Variants in DOCK9 observed in about 807,000 individuals in gnomAD.
DOCK9 encodes dedicator of cytokinesis 9.
A neutral mutation model predicts 263.3 loss-of-function variants in DOCK9; 89 were observed. The ratio of observed to expected loss-of-function variants is 0.34; its 90% CI spans 0.28 to 0.40. The LOEUF (loss-of-function observed/expected upper bound fraction) is 0.40, where lower values mean the gene tolerates loss of function less well. DOCK9 is among the 10% of genes least tolerant of loss of function. The pLI is 1.00. For missense variants in DOCK9, 2,140 were observed against 2,603.4 expected (o/e 0.82, Z 3.87); for synonymous variants, 976 against 973.1 (o/e 1.00, Z -0.06).
intron 38 of DOCK9, among the ~76,000 whole-genome samples, chr13:98,842,896 C>T (rs963921403): frequency 2.6e-5 from 4 of 152,180 alleles, no homozygotes; most frequent in East Asian, 1.9e-4. Context: ...TTGGCCATCA[C>T]GGGATTTGGG....
intron 5 of DOCK9, among the ~76,000 whole-genome samples, chr13:98,922,458 G>T (rs1432536266): frequency 6.6e-6 from 1 of 152,168 alleles, no homozygotes; most frequent in African/African-American, 2.4e-5. Context: ...GACCACTCAC[G>T]TTGGAAGGTC....
chr13:98,949,147 A>G (rs975144570), intron 2 of DOCK9, among the ~76,000 whole-genome samples: 8 of 152,148 alleles, frequency 5.3e-5, no homozygotes, highest in African/African-American at 1.9e-4. Flanking sequence ...ATCATGGCTC[A>G]CTGCAGCCTC....
At chr13:99,087,198 G>C (rs2042368557), upstream of DOCK9, among the ~76,000 whole-genome samples, 2 of 152,174 alleles carry the variant, frequency 1.3e-5, no homozygotes, top group South Asian at 4.1e-4. Context: ...GCGCGCTCGT[G>C]TGGCGCCTCG....
intron 50 of DOCK9, 131 bp from the exon 51 acceptor site, chr13:98,797,620 T>A: frequency 1.3e-6 from 1 of 742,146 alleles, no homozygotes; most frequent in East Asian, 2.7e-5. Flanking sequence ...TCCAGGAACT[T>A]AAGCCCAAAA....
Position 98,846,047 on chromosome 13 carries a change from AC to A in DOCK9, c.4074del (p.Leu1359TrpfsTer4). The stretch of plus-strand genomic sequence containing the variant: ...TTTCGATCATGAACTATGGGTCCCA[AC>A]CCCTCCTGGTTCCTGCAACATGAGT... ...GKRYIARNQE[G>X]LGPIVHDRKS... On this transcript the variant is annotated frameshift_variant, in exon 38 of 53. Transcript: ENST00000682017. LOFTEE classifies it high-confidence loss of function. 6.3e-7 allele frequency: 1 copy of A among 1,579,650 alleles called. No homozygotes were observed. The highest frequency in any genetic ancestry group is 8.6e-7 in the Non-Finnish European group (1 of 1,161,640).
chr13:98,914,601 T>C (rs2050590355), intron 8 of DOCK9, among the ~76,000 whole-genome samples: 1 of 152,080 alleles, frequency 6.6e-6, no homozygotes, highest in African/African-American at 2.4e-5. Flanking sequence ...GAGCAGCTGG[T>C]ATAGCATGGA....
At position 98,941,463 on chromosome 13, in the gene DOCK9, C is replaced by T. The variant is rs186693597; in HGVS notation, c.244-11206G>A. Among the ~76,000 whole-genome samples the T allele has an allele frequency of 2.6e-4, 39 of 152,290 alleles. 1 individual carries two copies. The highest frequency in any genetic ancestry group is 2.6e-3 in the Admixed American group (39 of 15,292). The stretch of plus-strand genomic sequence containing the variant: ...ATTTCATTCTGCCACCTTCTCAAAT[C>T]CCTTAAATGGAAGAGCACACGATTG... On this transcript the variant is annotated intron_variant, in intron 2 of 52. Coordinates refer to ENST00000682017, the MANE Select transcript of DOCK9 (RefSeq NM_001366683.2).
chr13:98,887,984 T>C (rs1185827814), intron 18 of DOCK9, among the ~76,000 whole-genome samples, 174 bp downstream of exon 18: 3 of 152,196 alleles, frequency 2.0e-5, no homozygotes, highest in Admixed American at 6.5e-5. Context: ...AACCTAAATA[T>C]TCCATATTCG....
chr13:98,898,454 G>T (rs957518643), intron 13 of DOCK9, among the ~76,000 whole-genome samples, 193 bp from the exon 14 acceptor site: 1 of 152,220 alleles, frequency 6.6e-6, no homozygotes. Flanking sequence ...GCATTCTCTA[G>T]CAGTGATTCT....
In DOCK9 at chr13:98,876,181, C is replaced by T. The variant is rs567351381; in HGVS notation, c.2943+3717G>A. 8.5e-5 allele frequency among the ~76,000 whole-genome samples: 13 copies of T among 152,286 alleles called. No individual in the cohort carries two copies. The South Asian group carries it at 2.5e-3, about 29-fold the overall frequency. ...GCTCCTACAACACTGGTGTGTGCCT[C>T]GTCATGACACTTCAAGAAAGGTTCC... On this transcript the variant is annotated intron_variant, in intron 27 of 52. Transcript: ENST00000682017.
At chr13:98,950,215 A>C in intron 2 of DOCK9, 1 of 1,045,074 alleles carries the variant, frequency 9.6e-7, no homozygotes. Flanking sequence ...TGGCAATTCC[A>C]AGGCATGAGG....
At chr13:98,799,459 A>G (rs2089845902) in intron 50 of DOCK9, among the ~76,000 whole-genome samples, 1 of 152,238 alleles carries the variant, frequency 6.6e-6, no homozygotes, top group South Asian at 2.1e-4. Flanking sequence ...ACACTTACCA[A>G]TTAACTAGGA....
intron 1 of DOCK9, among the ~76,000 whole-genome samples, chr13:98,998,380 G>C (rs1445700510): frequency 6.6e-6 from 1 of 152,184 alleles, no homozygotes; most frequent in Non-Finnish European, 1.5e-5. Flanking sequence ...TAGGCATAGA[G>C]ACAAATGGGA....
intron 2 of DOCK9, among the ~76,000 whole-genome samples, chr13:98,952,200 C>T (rs375641884): frequency 6.6e-6 from 1 of 150,406 alleles, no homozygotes; most frequent in Non-Finnish European, 1.5e-5. Flanking sequence ...GCCCAGCCTA[C>T]TTCATCAATA....
intron 47 of DOCK9, chr13:98,808,513 A>G: frequency 1.5e-6 from 1 of 683,534 alleles, no homozygotes; most frequent in South Asian, 1.7e-5. Flanking sequence ...AGAGAGAGAA[A>G]ATGGTGCACA....
intron 1 of DOCK9, among the ~76,000 whole-genome samples, chr13:98,964,677 G>T (rs1384447887): frequency 6.6e-6 from 1 of 152,224 alleles, no homozygotes; most frequent in Non-Finnish European, 1.5e-5. Flanking sequence ...AAGCAGCCAG[G>T]AGTTCAGAAT....
intron 5 of DOCK9, among the ~76,000 whole-genome samples, chr13:98,922,636 G>A (rs2052241710): frequency 6.6e-6 from 1 of 152,178 alleles, no homozygotes; most frequent in African/African-American, 2.4e-5. Flanking sequence ...AAGTGATGGG[G>A]GGAATAAAAA....
At chr13:98,885,866 T>C (rs2142918644) in intron 19 of DOCK9, 35 bp from the exon 20 acceptor site, 2 of 1,577,570 alleles carry the variant, frequency 1.3e-6, no homozygotes, top group East Asian at 4.6e-5. Flanking sequence ...CAAAATATTC[T>C]AAAAACACAG....
Position 98,885,720 on chromosome 13 carries a change from C to A in DOCK9, c.2248G>T (p.Val750Phe), listed in dbSNP as rs142647356. 7 of 1,610,640 alleles carry A rather than the reference C, an allele frequency of 4.3e-6. No homozygotes were observed. The highest frequency in any genetic ancestry group is 2.2e-5 in the South Asian group (2 of 90,138). ...SKGSTKKRDV[V>F]ETQVGYSWLP... The stretch of plus-strand genomic sequence containing the variant: ...AAGCCCCCCCAACCTTGGGTTTCAA[C>A]GACATCCCTCTTCTTCGTGCTTCCT... Residue 750 changes from valine (V) to phenylalanine (F), a missense_variant, in exon 20 of 53, where the codon GTT becomes TTT. Val to Phe is a conservative substitution (Grantham distance 50). Transcript: ENST00000682017.
Sources: gnomAD v4.1 joint callset for allele counts (sites outside exome capture counted in the v4.1 genomes callset) on GRCh38, gnomAD v4.1.1 for gene constraint, MANE v1.5 for transcripts, NCBI Gene and HGNC (gene_info 2026-07-23, HGNC 2026-07-21) for gene names.